CA10: variants seen among roughly 807,000 people sequenced by gnomAD.
The protein encoded by CA10 is carbonic anhydrase-related protein 10.
A neutral mutation model predicts 44.2 loss-of-function variants in CA10; 14 were observed. The ratio of observed to expected loss-of-function variants is 0.32; its 90% confidence interval spans 0.21 to 0.50. CA10 has a LOEUF of 0.50. CA10 is among the 20% of genes least tolerant of loss of function. The pLI is 0.99. For synonymous variants in CA10, 159 were observed against 141.6 expected (o/e 1.12, Z -0.87); for missense variants, 350 against 409.7 (o/e 0.85, Z 1.26).
At chr17:52,091,450 G>A (rs867275687) in intron 1 of CA10, among the ~76,000 whole-genome samples, 4 of 152,174 alleles carry the variant, frequency 2.6e-5, no homozygotes, top group Middle Eastern at 3.4e-3. Context: ...TGGTATAGAT[G>A]GGAGCAAGAA....
intron 5 of CA10, among the ~76,000 whole-genome samples, chr17:51,652,645 G>A (rs1451491713): frequency 6.6e-6 from 1 of 152,242 alleles, no homozygotes; most frequent in Non-Finnish European, 1.5e-5. Context: ...GGAGGGTGAA[G>A]TGCCTATGGC....
chr17:51,669,978 A>T (rs1190516347), intron 4 of CA10, among the ~76,000 whole-genome samples: 1 of 152,178 alleles, frequency 6.6e-6, no homozygotes, highest in African/African-American at 2.4e-5. Flanking sequence ...TACTGTTCTC[A>T]TGGTAGTGAA....
At chr17:51,710,865 A>T (rs1169925141) in intron 4 of CA10, among the ~76,000 whole-genome samples, 1 of 151,006 alleles carries the variant, frequency 6.6e-6, no homozygotes, top group African/African-American at 2.4e-5. Flanking sequence ...AGTTCATGCA[A>T]TCATGGGACC....
At chr17:51,846,887 T>G (rs929832793) in intron 3 of CA10, among the ~76,000 whole-genome samples, 2 of 152,236 alleles carry the variant, frequency 1.3e-5, no homozygotes, top group Non-Finnish European at 2.9e-5. Context: ...AGCCAGTGGC[T>G]GACAGGGATC....
intron 1 of CA10, among the ~76,000 whole-genome samples, chr17:52,088,732 C>A (rs1988183961): frequency 6.6e-6 from 1 of 152,086 alleles, no homozygotes; most frequent in Admixed American, 6.6e-5. Context: ...TCTGAGAATG[C>A]CAAGAACACT....
chr17:51,974,518 AC>A (rs1455222227), intron 2 of CA10, among the ~76,000 whole-genome samples: 1 of 151,926 alleles, frequency 6.6e-6, no homozygotes. Flanking sequence ...AAAAACTGTA[AC>A]AAAAAAAAAG....
intron 2 of CA10, among the ~76,000 whole-genome samples, chr17:52,032,262 C>T (rs1378466650): frequency 6.6e-6 from 1 of 152,110 alleles, no homozygotes; most frequent in East Asian, 1.9e-4. Flanking sequence ...TCCAAGGCAA[C>T]CAAAGGATAT....
At chr17:51,971,858 A>T (rs1984291852) in intron 2 of CA10, among the ~76,000 whole-genome samples, 1 of 151,970 alleles carries the variant, frequency 6.6e-6, no homozygotes, top group South Asian at 2.1e-4. Context: ...TATTTTTCTT[A>T]GAAATTATAA....
At chr17:52,141,532 T>A (rs1989479134) in intron 1 of CA10, among the ~76,000 whole-genome samples, 1 of 152,224 alleles carries the variant, frequency 6.6e-6, no homozygotes, top group Non-Finnish European at 1.5e-5. Flanking sequence ...AGAGAATACA[T>A]GTTTTAGGCT....
At chr17:51,677,628 C>A (rs573075202) in intron 4 of CA10, among the ~76,000 whole-genome samples, 87 of 151,926 alleles carry the variant, frequency 5.7e-4, no homozygotes, top group Non-Finnish European at 9.7e-4. Flanking sequence ...TTAAAAAAAA[C>A]CAAATATGTA....
intron 2 of CA10, among the ~76,000 whole-genome samples, chr17:52,004,983 A>T (rs949325186): frequency 5.3e-5 from 8 of 151,904 alleles, no homozygotes; most frequent in Admixed American, 2.6e-4. Context: ...ACTTGTCTAA[A>T]ATAAAGTAAA....
intron 1 of CA10, among the ~76,000 whole-genome samples, chr17:52,119,702 T>C (rs1988971942): frequency 2.0e-5 from 3 of 152,216 alleles, no homozygotes; most frequent in African/African-American, 7.2e-5. Context: ...TTTATGCAAA[T>C]AATCAGGCCA....
chr17:51,650,954 GT>G (rs1225870553), intron 5 of CA10, among the ~76,000 whole-genome samples: 1 of 152,234 alleles, frequency 6.6e-6, no homozygotes, highest in African/African-American at 2.4e-5. Flanking sequence ...TTAATGGTGT[GT>G]GATTGAGCAG....
At chr17:51,788,604 T>C (rs1292756240) in intron 3 of CA10, among the ~76,000 whole-genome samples, 1 of 152,182 alleles carries the variant, frequency 6.6e-6, no homozygotes. Context: ...CATAAATACG[T>C]GCAATTATTA....
At chr17:52,106,987 C>G (rs555871389) in intron 1 of CA10, among the ~76,000 whole-genome samples, 1 of 152,078 alleles carries the variant, frequency 6.6e-6, no homozygotes, top group Non-Finnish European at 1.5e-5. Context: ...ATATAAAACC[C>G]CAAATTGTCT....
At chr17:52,087,647 G>A (rs1988153203) in intron 1 of CA10, among the ~76,000 whole-genome samples, 1 of 152,052 alleles carries the variant, frequency 6.6e-6, no homozygotes, top group Non-Finnish European at 1.5e-5. Flanking sequence ...GGAATGAGTT[G>A]TATTACAACA....
rs558014863 is a variant in CA10, at chr17:51,878,143, C to CAAAA, written c.279+52843_279+52846dup. ...TGGGTGACAGAGCATGACTCCGTCT[C>CAAAA]AAAAAAAAAAAAAAAAAAAAAAAAG... On this transcript the variant is annotated intron_variant, in intron 3 of 8. Coordinates refer to ENST00000451037, the MANE Select transcript of CA10 (RefSeq NM_020178.5). Among the ~76,000 whole-genome samples the CAAAA allele has an allele frequency of 8.5e-4, 54 of 63,678 alleles. 2 individuals are homozygous for CAAAA. Among genetic ancestry groups the CAAAA allele is most frequent in the South Asian group, 1.8e-3 (2 of 1,110 alleles). The allele number at this position is 63,678 out of a possible 152,430, so 41.8% of individuals were successfully genotyped here.
At chr17:51,924,364 A>C (rs1982344184) in intron 3 of CA10, among the ~76,000 whole-genome samples, 1 of 152,156 alleles carries the variant, frequency 6.6e-6, no homozygotes, top group Non-Finnish European at 1.5e-5. Flanking sequence ...TGTGGAAAGG[A>C]GATTTGGTGC....
chr17:51,734,402 G>A (rs1916826977), intron 4 of CA10, among the ~76,000 whole-genome samples: 1 of 152,150 alleles, frequency 6.6e-6, no homozygotes, highest in Non-Finnish European at 1.5e-5. Context: ...GCTTGCCAAA[G>A]GTCACCTAGT....
Sources: allele counts gnomAD v4.1 joint callset (sites outside exome capture counted in the v4.1 genomes callset), GRCh38; gene constraint gnomAD v4.1.1; transcripts MANE v1.5; gene names NCBI Gene and HGNC (gene_info 2026-07-23, HGNC 2026-07-21).